Variants in DPP6 observed in about 807,000 individuals in gnomAD.
The protein encoded by DPP6 is A-type potassium channel modulatory protein DPP6.
DPP6 carries 69 observed loss-of-function variants against 122.6 expected under a neutral mutation model. The observed-to-expected ratio is 0.56, with a 90% CI of 0.46 to 0.69. The LOEUF (loss-of-function observed/expected upper bound fraction) is 0.69. Among genes scored for constraint, DPP6 ranks in the 30% least tolerant of loss-of-function variants. The probability of loss-of-function intolerance (pLI) is 0.00; values close to 1 mark genes in which losing one functional copy is unlikely to be tolerated. For missense variants in DPP6, 928 were observed against 1,116.9 expected (o/e 0.83, Z 2.41); for synonymous variants, 418 against 433.1 (o/e 0.97, Z 0.43).
intron 1 of DPP6, among the ~76,000 whole-genome samples, chr7:154,372,251 G>GT (rs1229195938): frequency 1.3e-5 from 2 of 152,194 alleles, no homozygotes; most frequent in Non-Finnish European, 2.9e-5. Flanking sequence ...TGCATGAAGC[G>GT]TAACACAGGG....
intron 1 of DPP6, among the ~76,000 whole-genome samples, chr7:154,237,772 G>A (rs917810899): frequency 1.3e-5 from 2 of 152,158 alleles, no homozygotes; most frequent in African/African-American, 4.8e-5. Flanking sequence ...ACTCACTAAA[G>A]ACAAATAGAA....
chr7:154,377,626 C>T (rs538331860), intron 1 of DPP6, among the ~76,000 whole-genome samples: 3 of 152,086 alleles, frequency 2.0e-5, no homozygotes, highest in Middle Eastern at 3.2e-3. Flanking sequence ...GCTGTTTCCC[C>T]CTTCGCTCTC....
At chr7:154,359,458 T>C (rs999240137) in intron 1 of DPP6, among the ~76,000 whole-genome samples, 50 of 152,148 alleles carry the variant, frequency 3.3e-4, no homozygotes, top group African/African-American at 1.1e-3. Context: ...TTCTGCTGTG[T>C]CCTGCTCCTC....
chr7:154,343,488 A>G (rs978976786), intron 1 of DPP6, among the ~76,000 whole-genome samples: 3 of 152,256 alleles, frequency 2.0e-5, no homozygotes, highest in Non-Finnish European at 4.4e-5. Flanking sequence ...ACACCCGTGC[A>G]CATGTAGGAT....
chr7:154,133,585 C>T (rs1795396462), intron 1 of DPP6, among the ~76,000 whole-genome samples: 1 of 152,188 alleles, frequency 6.6e-6, no homozygotes, highest in Non-Finnish European at 1.5e-5. Context: ...TCTCCTTCGA[C>T]TTCCTCACAT....
intron 1 of DPP6, among the ~76,000 whole-genome samples, chr7:154,001,796 G>A (rs1414969403): frequency 6.6e-6 from 1 of 152,002 alleles, no homozygotes; most frequent in Non-Finnish European, 1.5e-5. Context: ...GAAATTGTAA[G>A]ATGCAATGAG....
At chr7:154,238,753 A>T (rs900093905) in intron 1 of DPP6, among the ~76,000 whole-genome samples, 2 of 152,206 alleles carry the variant, frequency 1.3e-5, no homozygotes, top group African/African-American at 4.8e-5. Flanking sequence ...ATTTAAAACT[A>T]TTCTCTCTTG....
chr7:154,220,674 G>T (rs570546815), intron 1 of DPP6, among the ~76,000 whole-genome samples: 1 of 152,188 alleles, frequency 6.6e-6, no homozygotes, highest in African/African-American at 2.4e-5. Flanking sequence ...CTGGATCTTG[G>T]AATTCCAGCC....
chr7:154,247,070 TG>T (rs909900012), intron 1 of DPP6, among the ~76,000 whole-genome samples: 3 of 152,300 alleles, frequency 2.0e-5, no homozygotes, highest in South Asian at 4.1e-4. Context: ...CCCAGCATTT[TG>T]GGGGGCCGAG....
At position 154,863,610 on chromosome 7, in the gene DPP6, T is replaced by C. The variant is rs114453168; in HGVS notation, c.1715-4385T>C. Among the ~76,000 whole-genome samples, 1,591 of 151,728 alleles carry C rather than the reference T, an allele frequency of 0.01. 27 individuals carry two copies. Among genetic ancestry groups the C allele is most frequent in the African/African-American group, 0.036 (1,482 of 41,350 alleles). On this transcript the variant is annotated intron_variant, in intron 17 of 25. Coordinates refer to ENST00000377770, the MANE Select transcript of DPP6 (RefSeq NM_130797.4). This position sits in a 1 kb window ranked among gnomAD's most constrained non-coding sequence, Gnocchi z 4.1. ...AAGGAAGATCTCTTGAGTCCAGGAG[T>C]TTGAGACTAGCCTGGGAAACACAAT...
intron 1 of DPP6, among the ~76,000 whole-genome samples, chr7:154,016,329 G>A (rs1333625300): frequency 1.0e-5 from 1 of 95,602 alleles, no homozygotes; most frequent in African/African-American, 4.3e-5. Flanking sequence ...TATCTGCAAT[G>A]TGCTTGGTAG....
chr7:154,341,378 A>G (rs115129776), intron 1 of DPP6, among the ~76,000 whole-genome samples: 2,382 of 152,156 alleles, frequency 0.016, 71 homozygotes, highest in African/African-American at 0.054. Flanking sequence ...GAAATACATA[A>G]TTGTGAGCAT....
chr7:154,310,805 A>G (rs1806805635), intron 1 of DPP6, among the ~76,000 whole-genome samples: 1 of 152,150 alleles, frequency 6.6e-6, no homozygotes, highest in Non-Finnish European at 1.5e-5. Context: ...TTAAGATGCT[A>G]ATCACTTAGA....
chr7:154,309,398 T>C (rs560357772), intron 1 of DPP6, among the ~76,000 whole-genome samples: 3 of 152,334 alleles, frequency 2.0e-5, no homozygotes, highest in African/African-American at 7.2e-5. Flanking sequence ...TCTGAACATA[T>C]ATAATAATGC....
intron 16 of DPP6, among the ~76,000 whole-genome samples, chr7:154,814,759 C>T (rs1304300382): frequency 6.6e-6 from 1 of 152,126 alleles, no homozygotes; most frequent in Non-Finnish European, 1.5e-5. Context: ...ACGTTTCTCT[C>T]GAGCTTCTGG....
chr7:154,532,361 T>C (rs915681934), intron 3 of DPP6, among the ~76,000 whole-genome samples: 9 of 152,166 alleles, frequency 5.9e-5, no homozygotes, highest in Non-Finnish European at 1.2e-4. Flanking sequence ...GGAAAAATTT[T>C]AGCTTTAATA....
chr7:154,797,180 CA>C (rs1358918728), intron 12 of DPP6, among the ~76,000 whole-genome samples: 2 of 152,170 alleles, frequency 1.3e-5, no homozygotes, highest in Non-Finnish European at 2.9e-5. Context: ...ATCATGTGTT[CA>C]ACCAATATTT....
intron 7 of DPP6, among the ~76,000 whole-genome samples, chr7:154,671,121 A>G (rs1345463820): frequency 2.6e-5 from 4 of 152,206 alleles, no homozygotes; most frequent in Non-Finnish European, 1.5e-5. Context: ...TTGATAAGAG[A>G]TTGTAGAAGA....
At position 154,760,018 on chromosome 7, in the gene DPP6, G is replaced by A. The variant is rs1321541182; in HGVS notation, c.884-9399G>A. 6.6e-6 allele frequency among the ~76,000 whole-genome samples: 1 copy of A among 152,166 alleles called. No individual in the cohort carries two copies. Among genetic ancestry groups the A allele is most frequent in the Non-Finnish European group, 1.5e-5 (1 of 68,030 alleles). On this transcript the variant is annotated intron_variant, in intron 8 of 25. Transcript: ENST00000377770. This position sits in a 1 kb window ranked among gnomAD's most constrained non-coding sequence, Gnocchi z 4.5. ...CACACCTGTAGTCCCAGCTACTCGG[G>A]AGGCCGAGGCAGAAGAATCACTTGA...
Sources: gnomAD v4.1 joint callset for allele counts (sites outside exome capture counted in the v4.1 genomes callset) on GRCh38, gnomAD v4.1.1 for gene constraint, Gnocchi (gnomAD v3.1) non-coding constraint, MANE v1.5 for transcripts, NCBI Gene and HGNC (gene_info 2026-07-23, HGNC 2026-07-21) for gene names.